The following DPYD variants were observed in gnomAD, a reference collection of about 807,000 sequenced individuals.
DPYD encodes the protein dihydropyrimidine dehydrogenase [NADP(+)].
DPYD carries 109 observed loss-of-function variants against 116.2 expected under a neutral mutation model. That is an observed-to-expected ratio of 0.94 (90% CI 0.80 to 1.10). DPYD has a LOEUF of 1.10. Among genes scored for constraint, DPYD ranks in the 50% least tolerant of loss-of-function variants. The pLI is 0.00. For synonymous variants in DPYD, 440 were observed against 432.0 expected (o/e 1.02, Z -0.23); for missense variants, 1,302 against 1,254.5 (o/e 1.04, Z -0.57).
intron 20 of DPYD, among the ~76,000 whole-genome samples, chr1:97,159,190 T>C (rs143963105): frequency 4.3e-4 from 65 of 152,202 alleles, no homozygotes; most frequent in African/African-American, 1.5e-3. Context: ...TAAAATACTC[T>C]GATAATGAAT....
At chr1:97,628,718 A>C (rs1471675055) in intron 8 of DPYD, among the ~76,000 whole-genome samples, 3 of 152,114 alleles carry the variant, frequency 2.0e-5, no homozygotes, top group Non-Finnish European at 4.4e-5. Context: ...ATGCAAAAAA[A>C]AAGTGGCTAG....
intron 3 of DPYD, among the ~76,000 whole-genome samples, chr1:97,818,189 C>T (rs1253630608): frequency 1.3e-5 from 2 of 151,894 alleles, no homozygotes; most frequent in Admixed American, 1.3e-4. Flanking sequence ...TTTTATCTTT[C>T]CAAAAATATC....
At chr1:97,549,154 C>T (rs191510518) in intron 12 of DPYD, among the ~76,000 whole-genome samples, 1 of 151,996 alleles carries the variant, frequency 6.6e-6, no homozygotes, top group East Asian at 1.9e-4. Context: ...GCAGCCTTGA[C>T]CTCCTCAGCT....
At chr1:97,347,230 A>G (rs943077752) in intron 16 of DPYD, among the ~76,000 whole-genome samples, 1 of 151,956 alleles carries the variant, frequency 6.6e-6, no homozygotes, top group Non-Finnish European at 1.5e-5. Context: ...ACATTTCACT[A>G]TTAAGTTTGA....
intron 16 of DPYD, 115 bp from the exon 17 acceptor site, chr1:97,306,412 C>T (rs1031134186): frequency 7.4e-7 from 1 of 1,346,856 alleles, no homozygotes; most frequent in South Asian, 1.2e-5. Flanking sequence ...TGACAATGAG[C>T]TACATGATAT....
intron 3 of DPYD, among the ~76,000 whole-genome samples, chr1:97,823,225 G>T (rs970212489): frequency 2.6e-5 from 4 of 151,996 alleles, no homozygotes; most frequent in Non-Finnish European, 4.4e-5. Flanking sequence ...CGTGATCTCT[G>T]CTGACTTCAA....
intron 3 of DPYD, chr1:97,774,945 C>A: frequency 6.0e-6 from 2 of 334,714 alleles, no homozygotes; most frequent in Admixed American, 3.7e-5. Flanking sequence ...ATAGCATCCT[C>A]AAAGGTCACC....
intron 20 of DPYD, among the ~76,000 whole-genome samples, chr1:97,138,785 G>A (rs147945751): frequency 3.8e-4 from 58 of 152,284 alleles, no homozygotes; most frequent in African/African-American, 1.3e-3. Context: ...TCAAGATAGT[G>A]TTTGCTAATT....
At chr1:97,905,184 C>T (rs574650962) in intron 1 of DPYD, among the ~76,000 whole-genome samples, 2 of 151,766 alleles carry the variant, frequency 1.3e-5, no homozygotes, top group Non-Finnish European at 1.5e-5. Context: ...TTATAATTAC[C>T]CAATATGCAC....
intron 14 of DPYD, among the ~76,000 whole-genome samples, chr1:97,435,483 C>T (rs1301866996): frequency 6.6e-6 from 1 of 151,696 alleles, no homozygotes; most frequent in African/African-American, 2.4e-5. Flanking sequence ...TCTGGTTTGC[C>T]TGGTGATTAA....
At position 97,079,022 on chromosome 1, in the gene DPYD, T is replaced by TA. The variant is rs1459699844; in HGVS notation, c.3031dup (p.Tyr1011LeufsTer2). 1.9e-6 allele frequency: 3 copies of TA among 1,613,624 alleles called. No homozygotes were observed. The highest frequency in any genetic ancestry group is 2.7e-5 in the African/African-American group (2 of 74,882). ...TAAGGGTACGCCTCTCTTTGGTTCA[T>TA]AAGGTGTTGTCCTGGAAACCATTTT... On this transcript the variant is annotated frameshift_variant, in exon 23 of 23. Coordinates refer to ENST00000370192, the MANE Select transcript of DPYD (RefSeq NM_000110.4). LOFTEE classifies it high-confidence loss of function.
intron 12 of DPYD, among the ~76,000 whole-genome samples, chr1:97,529,758 TTCTTTC>T (rs927794351): frequency 1.5e-5 from 2 of 135,440 alleles, no homozygotes; most frequent in Non-Finnish European, 3.1e-5. Context: ...CTTCCTTTCT[TTCTTTC>T]TCTTTCTTCT....
intron 20 of DPYD, among the ~76,000 whole-genome samples, chr1:97,166,214 G>T (rs2101756893): frequency 6.6e-6 from 1 of 152,254 alleles, no homozygotes; most frequent in South Asian, 2.1e-4. Context: ...ATTAGATAAA[G>T]AAAATATGGT....
chr1:97,864,885 T>C lies in DPYD; in HGVS notation c.150+18379A>G, dbSNP rs575477647. Among the ~76,000 whole-genome samples the C allele has an allele frequency of 8.5e-5, 13 of 152,090 alleles. No individual in the cohort carries two copies. The East Asian group carries it at 2.3e-3, about 27-fold the overall frequency. ...GTAAGATATGAGAGCCTGGCATTTC[T>C]AGAGAATGGATAGTGTTTTTGAAGC... is the stretch of plus-strand genomic sequence containing the variant. On this transcript the variant is annotated intron_variant, in intron 2 of 22. Coordinates refer to ENST00000370192, the MANE Select transcript of DPYD (RefSeq NM_000110.4).
chr1:97,284,930 T>G (rs1665566674), intron 18 of DPYD, among the ~76,000 whole-genome samples: 2 of 152,216 alleles, frequency 1.3e-5, no homozygotes, highest in South Asian at 4.1e-4. Flanking sequence ...ATTCTGTATC[T>G]TCTTGTTTCA....
rs192753018 is a variant in DPYD at position 97,844,082 on chromosome 1, G to T, written c.151-15886C>A. ...TTTTCAAGATCTTAACAAAGGGAAA[G>T]GAACTGCAAAGACCCTAAAAGAGAG... On this transcript the variant is annotated intron_variant, in intron 2 of 22. Coordinates refer to ENST00000370192, the MANE Select transcript of DPYD (RefSeq NM_000110.4). 1.5e-3 allele frequency among the ~76,000 whole-genome samples: 226 copies of T among 152,130 alleles called. 2 individuals carry two copies. The highest frequency in any genetic ancestry group is 5.2e-3 in the African/African-American group (216 of 41,486).
intron 11 of DPYD, among the ~76,000 whole-genome samples, chr1:97,566,975 G>A (rs1652561240): frequency 6.6e-6 from 1 of 151,990 alleles, no homozygotes; most frequent in African/African-American, 2.4e-5. Context: ...TACCATTTTT[G>A]AATACCTAAA....
At chr1:97,236,182 A>T (rs1015611499) in intron 18 of DPYD, among the ~76,000 whole-genome samples, 2 of 152,164 alleles carry the variant, frequency 1.3e-5, no homozygotes, top group South Asian at 4.1e-4. Context: ...AACTAAAGGC[A>T]GTTCAACTTA....
chr1:97,233,846 G>A (rs1484704620), intron 19 of DPYD, among the ~76,000 whole-genome samples: 4 of 152,164 alleles, frequency 2.6e-5, no homozygotes, highest in Admixed American at 2.6e-4. Context: ...GCTGTATACA[G>A]TGGGAGGCAC....
Sources: allele counts gnomAD v4.1 joint callset (sites outside exome capture counted in the v4.1 genomes callset), GRCh38; gene constraint gnomAD v4.1.1; transcripts MANE v1.5; gene names NCBI Gene and HGNC (gene_info 2026-07-23, HGNC 2026-07-21).